ROBO2: variants seen among roughly 807,000 people sequenced by gnomAD.
ROBO2 encodes roundabout guidance receptor 2.
A neutral mutation model predicts 160.8 loss-of-function variants in ROBO2; 53 were observed. The ratio of observed to expected loss-of-function variants is 0.33; its 90% CI spans 0.26 to 0.41. ROBO2 has a LOEUF of 0.41. Ranked by LOEUF, ROBO2 falls within the 10% of genes least tolerant of loss-of-function variation. The pLI, the probability that ROBO2 is intolerant of heterozygous loss-of-function variation, is 1.00. For missense variants in ROBO2, 1,577 were observed against 1,722.4 expected (o/e 0.92, Z 1.49); for synonymous variants, 664 against 611.7 (o/e 1.09, Z -1.26).
chr3:76,900,244 A>C (rs566779391), intron 2 of ROBO2, among the ~76,000 whole-genome samples: 1 of 152,270 alleles, frequency 6.6e-6, no homozygotes, highest in Non-Finnish European at 1.5e-5. Flanking sequence ...TGTGGGAATT[A>C]TGGAAACTAC....
intron 2 of ROBO2, among the ~76,000 whole-genome samples, chr3:75,959,685 A>G (rs1315086185): frequency 6.6e-6 from 1 of 151,752 alleles, no homozygotes; most frequent in Non-Finnish European, 1.5e-5. Context: ...TTTAGTAGAA[A>G]GCTAGGTTTT....
chr3:77,266,818 C>T (rs1560381942), intron 2 of ROBO2, among the ~76,000 whole-genome samples: 1 of 152,082 alleles, frequency 6.6e-6, no homozygotes, highest in African/African-American at 2.4e-5. Flanking sequence ...ATGCCTGACT[C>T]AAAGTAGGTA....
intron 2 of ROBO2, among the ~76,000 whole-genome samples, chr3:76,930,692 A>G (rs1577578488): frequency 1.3e-5 from 2 of 152,168 alleles, no homozygotes; most frequent in South Asian, 4.1e-4. Context: ...GTTCTGGTCA[A>G]AATCTGATAG....
intron 2 of ROBO2, among the ~76,000 whole-genome samples, chr3:76,479,955 G>C (rs1399085752): frequency 2.0e-5 from 3 of 152,116 alleles, no homozygotes; most frequent in Non-Finnish European, 4.4e-5. Context: ...TTGGTAATTA[G>C]TGATTTGATG....
At chr3:76,444,702 G>A (rs541322547) in intron 2 of ROBO2, among the ~76,000 whole-genome samples, 5 of 152,242 alleles carry the variant, frequency 3.3e-5, no homozygotes, top group East Asian at 1.9e-4. Flanking sequence ...TGGGGATTGC[G>A]GGGTGATGGA....
At chr3:76,816,640 A>G (rs1316211062) in intron 2 of ROBO2, among the ~76,000 whole-genome samples, 1 of 151,996 alleles carries the variant, frequency 6.6e-6, no homozygotes, top group Non-Finnish European at 1.5e-5. Flanking sequence ...GTCTTCCACA[A>G]CTATTGTGGA....
chr3:77,308,329 A>AGAT (rs955603554), intron 2 of ROBO2, among the ~76,000 whole-genome samples: 1 of 152,022 alleles, frequency 6.6e-6, no homozygotes, highest in African/African-American at 2.4e-5. Flanking sequence ...TGTCTTCATC[A>AGAT]GTTTTCTAGT....
At chr3:77,439,659 A>G (rs1234218760) in intron 2 of ROBO2, among the ~76,000 whole-genome samples, 1 of 152,118 alleles carries the variant, frequency 6.6e-6, no homozygotes, top group Non-Finnish European at 1.5e-5. Flanking sequence ...AACCATTAGT[A>G]TTAAGGAGTA....
chr3:76,406,242 AT>A (rs2078117915), intron 2 of ROBO2, among the ~76,000 whole-genome samples: 1 of 151,822 alleles, frequency 6.6e-6, no homozygotes, highest in South Asian at 2.1e-4. Context: ...AATCAATGGA[AT>A]TTGCCTTTTT....
At chr3:76,919,422 C>T (rs926751041) in intron 2 of ROBO2, among the ~76,000 whole-genome samples, 2 of 152,032 alleles carry the variant, frequency 1.3e-5, no homozygotes, top group Non-Finnish European at 2.9e-5. Context: ...TTCTTATTGG[C>T]AAATTTTTCT....
chr3:76,038,375 G>A (rs1056631931), intron 2 of ROBO2, among the ~76,000 whole-genome samples: 2 of 151,944 alleles, frequency 1.3e-5, no homozygotes, highest in African/African-American at 4.9e-5. Context: ...GTAGGATCTG[G>A]TAATGAACAA....
At chr3:76,402,256 T>C (rs2077872455) in intron 2 of ROBO2, among the ~76,000 whole-genome samples, 1 of 151,576 alleles carries the variant, frequency 6.6e-6, no homozygotes, top group Non-Finnish European at 1.5e-5. Context: ...ACCAACGTTA[T>C]CAATCTTATG....
chr3:76,013,765 G>T (rs932590277), intron 2 of ROBO2, among the ~76,000 whole-genome samples: 1 of 150,972 alleles, frequency 6.6e-6, no homozygotes, highest in African/African-American at 2.4e-5. Flanking sequence ...GGGCACGGTG[G>T]TCTATGCGTG....
intron 2 of ROBO2, among the ~76,000 whole-genome samples, chr3:76,890,016 G>A (rs1379609979): frequency 6.6e-6 from 1 of 152,072 alleles, no homozygotes; most frequent in African/African-American, 2.4e-5. Flanking sequence ...AGTAGTAAAG[G>A]GCCGTTTGTG....
chr3:76,845,912 T>C (rs1243725107), intron 2 of ROBO2, among the ~76,000 whole-genome samples: 1 of 152,076 alleles, frequency 6.6e-6, no homozygotes. Flanking sequence ...ATGTTCCCAA[T>C]TCAATCATCA....
chr3:76,855,824 G>A (rs1040403702), intron 2 of ROBO2, among the ~76,000 whole-genome samples: 8 of 151,898 alleles, frequency 5.3e-5, no homozygotes, highest in East Asian at 1.9e-4. Flanking sequence ...TGTAATTGTC[G>A]TATCAAACAA....
intron 2 of ROBO2, among the ~76,000 whole-genome samples, chr3:77,310,914 G>T (rs1272497300): frequency 1.3e-5 from 2 of 151,822 alleles, no homozygotes; most frequent in Non-Finnish European, 2.9e-5. Context: ...CAGCCTTTTG[G>T]TCATGAGTGA....
intron 6 of ROBO2, among the ~76,000 whole-genome samples, chr3:77,527,776 G>C (rs892867702): frequency 6.6e-6 from 1 of 151,494 alleles, no homozygotes; most frequent in Non-Finnish European, 1.5e-5. Flanking sequence ...AGTTATGTTT[G>C]ATGTTAAGAA....
intron 2 of ROBO2, among the ~76,000 whole-genome samples, chr3:76,245,823 C>T (rs62268387): frequency 6.6e-6 from 1 of 152,016 alleles, no homozygotes; most frequent in African/African-American, 2.4e-5. Context: ...TGGGCACAGA[C>T]AAGTCATACT....
Sources: gnomAD v4.1 joint callset for allele counts (sites outside exome capture counted in the v4.1 genomes callset) on GRCh38, gnomAD v4.1.1 for gene constraint, MANE v1.5 for transcripts, NCBI Gene and HGNC (gene_info 2026-07-23, HGNC 2026-07-21) for gene names.